Variants in PRKX observed in about 807,000 individuals in gnomAD.
PRKX encodes protein kinase cAMP-dependent X-linked catalytic subunit.
In PRKX, 12 loss-of-function variants were observed where a neutral mutation model predicts 22.0. That is an observed-to-expected ratio of 0.54 (90% confidence interval 0.35 to 0.88). The LOEUF (loss-of-function observed/expected upper bound fraction) is 0.88, where lower values mean the gene tolerates loss of function less well. Ranked by LOEUF, PRKX falls within the 40% of genes least tolerant of loss-of-function variation. The probability of loss-of-function intolerance (pLI) is 0.01; values close to 1 mark genes in which losing one functional copy is unlikely to be tolerated. For synonymous variants in PRKX, 134 were observed against 137.7 expected (o/e 0.97, Z 0.19); for missense variants, 217 against 308.0 (o/e 0.70, Z 2.21).
In PRKX at chrX:3,630,311, A is replaced by G. The variant is rs1457333559; in HGVS notation, c.720-3797T>C. Among the ~76,000 whole-genome samples, 54 of 106,737 alleles carry G rather than the reference A, an allele frequency of 5.1e-4. 1 individual carries two copies. Among genetic ancestry groups the G allele is most frequent in the East Asian group, 1.5e-3 (5 of 3,335 alleles). The allele number at this position is 106,737 out of a possible 115,157, so 92.7% of individuals were successfully genotyped here. ...GCGGTGGCTCATGCCTGTAATCCCA[A>G]CACTTTGGGAGGCCAAGGTGGGCGG... On this transcript the variant is annotated intron_variant, in intron 4 of 8. Coordinates refer to ENST00000262848, the MANE Select transcript of PRKX (RefSeq NM_005044.5).
intron 3 of PRKX, among the ~76,000 whole-genome samples, chrX:3,649,951 G>A (rs917940633): frequency 9.1e-6 from 1 of 109,568 alleles, no homozygotes; most frequent in Non-Finnish European, 1.9e-5. Context: ...ACCAGCCCTG[G>A]CAACATAGTG....
At position 3,615,932 on chromosome X, in the gene PRKX, T is replaced by C. The variant is rs372894839; in HGVS notation, c.874-40A>G. ...ACACATGTCGTCAGTGTACAGAATT[T>C]TGACAGGGCAGGAAAGAAAAATACC... On this transcript the variant is annotated intron_variant, in intron 6 of 8. Coordinates refer to ENST00000262848, the MANE Select transcript of PRKX (RefSeq NM_005044.5). The C allele has an allele frequency of 1.8e-4, 199 of 1,117,337 alleles. 1 individual carries two copies. Among genetic ancestry groups the C allele is most frequent in the Non-Finnish European group, 2.7e-5 (22 of 814,589 alleles). 92.1% of individuals were successfully genotyped at this position (1,117,337 alleles called of 1,213,427 possible).
At chrX:3,698,452 G>A (rs746954087) in intron 1 of PRKX, among the ~76,000 whole-genome samples, 2 of 111,104 alleles carry the variant, frequency 1.8e-5, no homozygotes, top group African/African-American at 6.5e-5. Context: ...CTCCCAAAAT[G>A]GTGCAATTAC....
intron 1 of PRKX, among the ~76,000 whole-genome samples, chrX:3,701,177 T>C (rs772366095): frequency 6.4e-4 from 71 of 111,032 alleles, no homozygotes; most frequent in Middle Eastern, 4.6e-3. Flanking sequence ...GGCGCCATCA[T>C]AGCTCACTGC....
At chrX:3,644,653 C>CCCCTG (rs1184713551) in intron 3 of PRKX, among the ~76,000 whole-genome samples, 1 of 111,469 alleles carries the variant, frequency 9.0e-6, no homozygotes, top group Non-Finnish European at 1.9e-5. Flanking sequence ...AACACGCTCT[C>CCCCTG]CCCTGCCCTG....
At chrX:3,633,685 A>C (rs1926832170) in intron 4 of PRKX, among the ~76,000 whole-genome samples, 1 of 111,909 alleles carries the variant, frequency 8.9e-6, no homozygotes. Context: ...TGGATGGTGC[A>C]GGCAGAGATA....
At position 3,612,278 on chromosome X, in the gene PRKX, G is replaced by T; in HGVS notation, c.999C>A (p.Phe333Leu). ...CCCAGTCATTCTCAGGGTAAGTTTC[G>T]AAGTTGGAAGTGTCGCCGTCACCAG... The part of the protein sequence containing the change: ...KIAGDGDTSN[F>L]ETYPENDWDT... The change falls in exon 8 of 9, where the codon TTC becomes TTA. Residue 333 changes from phenylalanine to leucine, a missense_variant. Physicochemically the swap from Phe to Leu is conservative, Grantham distance 22. Coordinates refer to ENST00000262848, the MANE Select transcript of PRKX (RefSeq NM_005044.5). 1 of 1,210,701 alleles carries T rather than the reference G, an allele frequency of 8.3e-7. No homozygotes were observed. The highest frequency in any genetic ancestry group is 1.7e-5 in the African/African-American group (1 of 57,628).
intron 3 of PRKX, among the ~76,000 whole-genome samples, chrX:3,647,397 TATTAA>T (rs1395396522): frequency 3.8e-5 from 4 of 105,982 alleles, no homozygotes; most frequent in Non-Finnish European, 7.7e-5. Context: ...TATTTAATTG[TATTAA>T]ATTATTTTTT....
intron 4 of PRKX, among the ~76,000 whole-genome samples, chrX:3,637,336 C>T (rs1406275312): frequency 9.0e-6 from 1 of 111,377 alleles, no homozygotes; most frequent in Non-Finnish European, 1.9e-5. Context: ...TCCAGTCATC[C>T]GGGAAGCAAC....
chrX:3,706,278 G>T (rs758241883), intron 1 of PRKX, among the ~76,000 whole-genome samples: 11 of 110,992 alleles, frequency 9.9e-5, no homozygotes, highest in Non-Finnish European at 1.9e-4. Flanking sequence ...TCCACCTCCT[G>T]GGCTCAAGCA....
Position 3,663,158 on chromosome X carries a change from G to A in PRKX, c.336-7746C>T, listed in dbSNP as rs138064871. Among the ~76,000 whole-genome samples the A allele has an allele frequency of 5.4e-3, 588 of 109,207 alleles. 4 individuals are homozygous for A. Among genetic ancestry groups the A allele is most frequent in the African/African-American group, 0.019 (562 of 29,998 alleles). 94.8% of individuals were successfully genotyped at this position (109,207 alleles called of 115,157 possible). ...CCCTGCCTATTTTCACATCAGAAAC[G>A]TTTGGGCTGATACAGCAGGAAGGGG... On this transcript the variant is annotated intron_variant, in intron 2 of 8. Coordinates refer to ENST00000262848, the MANE Select transcript of PRKX (RefSeq NM_005044.5).
At chrX:3,610,516 A>G (rs1208568319) in intron 8 of PRKX, among the ~76,000 whole-genome samples, 1 of 110,994 alleles carries the variant, frequency 9.0e-6, no homozygotes, top group Non-Finnish European at 1.9e-5. Context: ...CAGAGCCCCA[A>G]CCACTAGCCA....
intron 1 of PRKX, among the ~76,000 whole-genome samples, chrX:3,685,716 C>A (rs1376936259): frequency 1.8e-5 from 2 of 109,112 alleles, no homozygotes; most frequent in Non-Finnish European, 3.8e-5. Flanking sequence ...CCCGCCTCCC[C>A]CAAGATAGGC....
At chrX:3,689,125 G>A (rs774326163) in intron 1 of PRKX, among the ~76,000 whole-genome samples, 3 of 112,064 alleles carry the variant, frequency 2.7e-5, no homozygotes, top group Admixed American at 9.5e-5. Context: ...AAGTGAAACC[G>A]ACGCATTGCA....
In PRKX at chrX:3,642,381, A is replaced by G. The variant is rs144443761; in HGVS notation, c.600-410T>C. Among the ~76,000 whole-genome samples, 19 of 110,960 alleles carry G rather than the reference A, an allele frequency of 1.7e-4. No homozygotes were observed. The East Asian group carries it at 5.4e-3, about 31-fold the overall frequency. ...CGGAGGTGGAGAGGCCATTCTCCTA[A>G]GTGGACTCACATGTTCTCACTTGTA... On this transcript the variant is annotated intron_variant, in intron 3 of 8. Transcript: ENST00000262848.
chrX:3,676,640 A>G (rs1927961654), intron 1 of PRKX, among the ~76,000 whole-genome samples: 1 of 112,228 alleles, frequency 8.9e-6, no homozygotes, highest in Admixed American at 9.5e-5. Context: ...ATAGGCACAG[A>G]AAAACAAATA....
intron 3 of PRKX, among the ~76,000 whole-genome samples, chrX:3,643,464 C>T (rs745505563): frequency 3.6e-5 from 4 of 111,508 alleles, no homozygotes; most frequent in South Asian, 3.8e-4. Flanking sequence ...GTATCAGTAA[C>T]CCCAGAGAGG....
intron 3 of PRKX, among the ~76,000 whole-genome samples, chrX:3,652,968 G>T (rs976666997): frequency 2.7e-5 from 3 of 111,275 alleles, no homozygotes; most frequent in African/African-American, 9.8e-5. Flanking sequence ...TCAGACCTTA[G>T]CCTCCATGAC....
chrX:3,615,331 G>A (rs762417814), intron 7 of PRKX, among the ~76,000 whole-genome samples: 1 of 111,665 alleles, frequency 9.0e-6, no homozygotes, highest in Non-Finnish European at 1.9e-5. Flanking sequence ...AAAGCCAGAT[G>A]TTTAAAAATA....
Sources: allele counts gnomAD v4.1 joint callset (sites outside exome capture counted in the v4.1 genomes callset), GRCh38; gene constraint gnomAD v4.1.1; transcripts MANE v1.5; gene names NCBI Gene and HGNC (gene_info 2026-07-23, HGNC 2026-07-21).